The following GPC5 variants were observed in gnomAD, a reference collection of about 807,000 sequenced individuals.
GPC5 encodes glypican 5.
Under a neutral mutation model 53.9 loss-of-function variants are expected in GPC5, and 47 were observed. The ratio of observed to expected loss-of-function variants is 0.87; its 90% CI spans 0.69 to 1.11. The LOEUF is 1.11. GPC5 is among the 50% of genes most tolerant of loss of function. GPC5 has a pLI of 0.00. For synonymous variants in GPC5, 286 were observed against 263.3 expected (o/e 1.09, Z -0.84); for missense variants, 748 against 713.1 (o/e 1.05, Z -0.56).
At chr13:91,752,777 CA>C (rs2037207054) in intron 4 of GPC5, among the ~76,000 whole-genome samples, 1 of 152,204 alleles carries the variant, frequency 6.6e-6, no homozygotes, top group African/African-American at 2.4e-5. Flanking sequence ...TCCAAGGTTA[CA>C]TCTTTAACAG....
In GPC5 at chr13:92,328,325, A is replaced by T. The variant is rs60874101; in HGVS notation, c.1561+183336A>T. On this transcript the variant is annotated intron_variant, in intron 7 of 7. Transcript: ENST00000377067. ...GCAAAACACAAATATACAACCAGATAGGGAGTTCCCAAAAGGGAGAAAAAT... is the reference window on the plus strand; with the variant it reads ...GCAAAACACAAATATACAACCAGATTGGGAGTTCCCAAAAGGGAGAAAAAT... Among the ~76,000 whole-genome samples, 772 of 152,284 alleles carry T rather than the reference A, an allele frequency of 5.1e-3. 10 individuals carry two copies. The highest frequency in any genetic ancestry group is 0.018 in the African/African-American group (742 of 41,570).
At chr13:92,505,064 C>T (rs1384179166) in intron 7 of GPC5, among the ~76,000 whole-genome samples, 1 of 151,452 alleles carries the variant, frequency 6.6e-6, no homozygotes, top group Non-Finnish European at 1.5e-5. Flanking sequence ...TTTAGAGAGT[C>T]TAAAAGTCTC....
At position 91,693,311 on chromosome 13, in the gene GPC5, GT is replaced by G. The variant is rs761180603; in HGVS notation, c.451del (p.Tyr151IlefsTer13). ...VQEFFTDVGL[Y>X]LFGADVNPEE... ...AGGAGTTCTTCACTGATGTGGGGCT[GT>G]ATTTATTTGGTGCGGATGTTAATCC... On this transcript the variant is annotated frameshift_variant, in exon 3 of 8. Coordinates refer to ENST00000377067, the MANE Select transcript of GPC5 (RefSeq NM_004466.6). LOFTEE classifies it high-confidence loss of function. 1 of 1,614,088 alleles carries G rather than the reference GT, an allele frequency of 6.2e-7. No individual in the cohort carries two copies. The highest frequency in any genetic ancestry group is 1.1e-5 in the South Asian group (1 of 91,080).
chr13:91,609,635 A>G (rs1381517051), intron 2 of GPC5, among the ~76,000 whole-genome samples: 1 of 152,210 alleles, frequency 6.6e-6, no homozygotes, highest in Non-Finnish European at 1.5e-5. Flanking sequence ...GGCAGTGAGG[A>G]TAAACAGATC....
chr13:92,187,190 A>T (rs193074852), intron 7 of GPC5, among the ~76,000 whole-genome samples: 1 of 152,198 alleles, frequency 6.6e-6, no homozygotes, highest in Non-Finnish European at 1.5e-5. Context: ...ATTTACACGC[A>T]TAAGTCAGCC....
intron 6 of GPC5, among the ~76,000 whole-genome samples, chr13:92,123,021 A>G (rs1036521204): frequency 3.3e-5 from 5 of 152,106 alleles, no homozygotes; most frequent in African/African-American, 1.2e-4. Flanking sequence ...TTTTCCTTTG[A>G]TCACAAATAG....
intron 7 of GPC5, among the ~76,000 whole-genome samples, chr13:92,293,301 A>G (rs71432003): frequency 0.086 from 13,000 of 151,690 alleles, 619 homozygotes; most frequent in Middle Eastern, 0.12. Flanking sequence ...CCATGAGCAT[A>G]GGATGTGTTT....
intron 7 of GPC5, among the ~76,000 whole-genome samples, chr13:92,281,503 G>A (rs993361602): frequency 6.6e-6 from 1 of 152,152 alleles, no homozygotes; most frequent in Non-Finnish European, 1.5e-5. Context: ...ACCCCAGTAG[G>A]GGGAGACTGA....
At chr13:92,281,292 GCCTGC>G (rs1254371874) in intron 7 of GPC5, among the ~76,000 whole-genome samples, 3 of 152,200 alleles carry the variant, frequency 2.0e-5, no homozygotes, top group African/African-American at 7.2e-5. Flanking sequence ...AAGGAGGCTT[GCCTGC>G]CTCTGTAGAC....
intron 5 of GPC5, among the ~76,000 whole-genome samples, chr13:91,795,338 A>G (rs2038030004): frequency 6.6e-6 from 1 of 152,212 alleles, no homozygotes; most frequent in South Asian, 2.1e-4. Context: ...GCATTAAAGG[A>G]TTTCTCATTG....
intron 2 of GPC5, among the ~76,000 whole-genome samples, chr13:91,476,547 C>G (rs1256575959): frequency 6.6e-6 from 1 of 151,992 alleles, no homozygotes; most frequent in Non-Finnish European, 1.5e-5. Context: ...AACCATATTG[C>G]TAAGGGCTAA....
intron 7 of GPC5, among the ~76,000 whole-genome samples, chr13:92,742,548 G>T (rs1396364764): frequency 6.8e-6 from 1 of 146,930 alleles, no homozygotes; most frequent in African/African-American, 2.5e-5. Context: ...TCACTCTGAC[G>T]GTAGTTTCTT....
intron 1 of GPC5, among the ~76,000 whole-genome samples, chr13:91,445,681 G>A (rs189462940): frequency 2.3e-4 from 35 of 152,142 alleles, no homozygotes; most frequent in African/African-American, 8.2e-4. Flanking sequence ...TGCCATGTTG[G>A]CCAGGCTGGT....
At chr13:92,356,575 T>G (rs1022744773) in intron 7 of GPC5, among the ~76,000 whole-genome samples, 3 of 152,162 alleles carry the variant, frequency 2.0e-5, no homozygotes, top group African/African-American at 7.2e-5. Context: ...TAAAAAGATT[T>G]GTTGATGGAT....
At chr13:92,334,573 G>A (rs1012020773) in intron 7 of GPC5, among the ~76,000 whole-genome samples, 1 of 152,060 alleles carries the variant, frequency 6.6e-6, no homozygotes, top group Non-Finnish European at 1.5e-5. Flanking sequence ...AATCATTCCA[G>A]CATTAACTGA....
chr13:92,125,173 T>C (rs2041684668), intron 6 of GPC5, among the ~76,000 whole-genome samples: 1 of 152,150 alleles, frequency 6.6e-6, no homozygotes, highest in South Asian at 2.1e-4. Context: ...ACACCTGGCT[T>C]AAAACTAAAG....
intron 3 of GPC5, among the ~76,000 whole-genome samples, chr13:91,724,120 A>G (rs2036529272): frequency 6.6e-6 from 1 of 152,240 alleles, no homozygotes; most frequent in Non-Finnish European, 1.5e-5. Context: ...TATAACAGAA[A>G]AAATTACCAA....
At chr13:92,550,204 T>C (rs1566288833) in intron 7 of GPC5, among the ~76,000 whole-genome samples, 1 of 151,932 alleles carries the variant, frequency 6.6e-6, no homozygotes, top group Non-Finnish European at 1.5e-5. Flanking sequence ...AGAACTATTA[T>C]TTTAAAAATG....
At chr13:91,832,871 G>A (rs186338278) in intron 5 of GPC5, among the ~76,000 whole-genome samples, 218 of 151,810 alleles carry the variant, frequency 1.4e-3, no homozygotes, top group African/African-American at 5.1e-3. Context: ...AAGCTAGCAG[G>A]AGGCAAGAAA....
Sources: allele counts gnomAD v4.1 joint callset (sites outside exome capture counted in the v4.1 genomes callset), GRCh38; gene constraint gnomAD v4.1.1; transcripts MANE v1.5; gene names NCBI Gene and HGNC (gene_info 2026-07-23, HGNC 2026-07-21).